AGBL4: variants seen among roughly 807,000 people sequenced by gnomAD.
AGBL4 encodes AGBL carboxypeptidase 4, also known as cytosolic carboxypeptidase 6.
Under a neutral mutation model 66.4 loss-of-function variants are expected in AGBL4, and 58 were observed. The observed-to-expected ratio is 0.87, with a 90% CI of 0.71 to 1.09. The LOEUF (loss-of-function observed/expected upper bound fraction) is 1.09, where lower values mean the gene tolerates loss of function less well. AGBL4 is among the 50% of genes least tolerant of loss of function. AGBL4 has a pLI of 0.00. For missense variants in AGBL4, 579 were observed against 631.0 expected (o/e 0.92, Z 0.88); for synonymous variants, 234 against 222.9 (o/e 1.05, Z -0.44).
chr1:48,939,199 C>T (rs938568875), intron 5 of AGBL4, among the ~76,000 whole-genome samples: 6 of 152,206 alleles, frequency 3.9e-5, no homozygotes, highest in Admixed American at 1.3e-4. Context: ...ATACTTAGCA[C>T]ACAGAACAAT....
chr1:49,744,735 T>A (rs919246934), intron 2 of AGBL4, among the ~76,000 whole-genome samples: 3 of 152,054 alleles, frequency 2.0e-5, no homozygotes, highest in Non-Finnish European at 2.9e-5. Context: ...AAATTTACAT[T>A]TATGAGCATA....
intron 6 of AGBL4, among the ~76,000 whole-genome samples, chr1:48,741,818 A>C (rs950127678): frequency 6.6e-6 from 1 of 152,250 alleles, no homozygotes; most frequent in Admixed American, 6.5e-5. Context: ...TGCATGCCAC[A>C]GTGGCAGAGA....
At chr1:49,514,730 CT>C (rs1204569771) in intron 3 of AGBL4, among the ~76,000 whole-genome samples, 1 of 152,034 alleles carries the variant, frequency 6.6e-6, no homozygotes, top group African/African-American at 2.4e-5. Context: ...AGAAATAATG[CT>C]GCATATCTAC....
chr1:48,811,423 G>T (rs1026292792), intron 6 of AGBL4, among the ~76,000 whole-genome samples: 8 of 152,130 alleles, frequency 5.3e-5, no homozygotes, highest in Admixed American at 1.3e-4. Context: ...TATGTTCCTG[G>T]ACAGCTTTGC....
chr1:48,906,118 T>C (rs1052769382), intron 5 of AGBL4, among the ~76,000 whole-genome samples: 1 of 152,144 alleles, frequency 6.6e-6, no homozygotes, highest in Non-Finnish European at 1.5e-5. Flanking sequence ...CTTAAAATTT[T>C]AGATAGGGAA....
At chr1:49,150,279 C>T (rs1159248121) in intron 4 of AGBL4, among the ~76,000 whole-genome samples, 1 of 152,134 alleles carries the variant, frequency 6.6e-6, no homozygotes, top group Non-Finnish European at 1.5e-5. Context: ...AGGGTCACTA[C>T]AAGTCGCACC....
chr1:49,765,224 A>C (rs543162634), intron 2 of AGBL4, among the ~76,000 whole-genome samples: 1 of 151,824 alleles, frequency 6.6e-6, no homozygotes, highest in Admixed American at 6.6e-5. Flanking sequence ...GTAAACAAAG[A>C]TCAGTACAAA....
chr1:49,827,074 C>T (rs1156922834), intron 2 of AGBL4, among the ~76,000 whole-genome samples: 1 of 152,102 alleles, frequency 6.6e-6, no homozygotes, highest in African/African-American at 2.4e-5. Context: ...AAAATGCATA[C>T]ATGAGAAGGA....
chr1:48,838,417 A>T (rs1453189662), intron 6 of AGBL4, among the ~76,000 whole-genome samples: 5 of 152,148 alleles, frequency 3.3e-5, no homozygotes, highest in Admixed American at 3.3e-4. Flanking sequence ...TGACAAAGGC[A>T]TCAAGAACAA....
At chr1:48,961,893 C>T (rs1185380658) in intron 5 of AGBL4, among the ~76,000 whole-genome samples, 2 of 152,176 alleles carry the variant, frequency 1.3e-5, no homozygotes, top group Non-Finnish European at 2.9e-5. Context: ...AGGTCCACAG[C>T]GGGGAAAGTA....
At chr1:48,530,324 C>T (rs545363129), downstream of AGBL4, among the ~76,000 whole-genome samples, 4 of 152,146 alleles carry the variant, frequency 2.6e-5, no homozygotes, top group South Asian at 6.2e-4. Context: ...TAGAACTACA[C>T]CTGACACACA....
intron 4 of AGBL4, among the ~76,000 whole-genome samples, chr1:49,062,030 C>A (rs1644411773): frequency 1.3e-5 from 2 of 152,150 alleles, no homozygotes; most frequent in African/African-American, 4.8e-5. Context: ...GCATTAGATT[C>A]TCATAGGAGT....
intron 4 of AGBL4, among the ~76,000 whole-genome samples, chr1:49,074,381 A>G (rs1571383572): frequency 6.6e-6 from 1 of 151,942 alleles, no homozygotes; most frequent in Non-Finnish European, 1.5e-5. Flanking sequence ...GCTTCGGCTC[A>G]CCCTCCATGG....
At chr1:49,614,910 A>G (rs1186462155) in intron 3 of AGBL4, among the ~76,000 whole-genome samples, 1 of 151,984 alleles carries the variant, frequency 6.6e-6, no homozygotes, top group Non-Finnish European at 1.5e-5. Context: ...TCATATTAGC[A>G]CTCCTAGTAA....
chr1:49,948,568 T>TAGAGAGAGAG (rs1205762791), intron 1 of AGBL4, among the ~76,000 whole-genome samples: 2 of 70,472 alleles, frequency 2.8e-5, no homozygotes, highest in African/African-American at 4.8e-5. Context: ...TATAAAAATA[T>TAGAGAGAGAG]ATATATATAT....
chr1:49,380,239 C>T (rs1644570144), intron 3 of AGBL4, among the ~76,000 whole-genome samples: 1 of 152,102 alleles, frequency 6.6e-6, no homozygotes, highest in African/African-American at 2.4e-5. Flanking sequence ...CATGAGTGAA[C>T]TCCCATTCAC....
chr1:49,948,289 T>C (rs1655638838), intron 1 of AGBL4, among the ~76,000 whole-genome samples: 1 of 108,340 alleles, frequency 9.2e-6, no homozygotes, highest in Non-Finnish European at 1.7e-5. Context: ...TATATATAAA[T>C]ATATAAAAAT....
intron 3 of AGBL4, among the ~76,000 whole-genome samples, chr1:49,592,389 G>A (rs1434029683): frequency 6.6e-6 from 1 of 152,166 alleles, no homozygotes; most frequent in African/African-American, 2.4e-5. Flanking sequence ...TTGCCAACAT[G>A]GCGAAATCCC....
intron 9 of AGBL4, among the ~76,000 whole-genome samples, chr1:48,596,523 A>T (rs910459164): frequency 6.6e-6 from 1 of 152,202 alleles, no homozygotes; most frequent in African/African-American, 2.4e-5. Context: ...TTTCAGAAAA[A>T]TTGAGGACTC....
Sources: gnomAD v4.1 joint callset for allele counts (sites outside exome capture counted in the v4.1 genomes callset) on GRCh38, gnomAD v4.1.1 for gene constraint, MANE v1.5 for transcripts, NCBI Gene and HGNC (gene_info 2026-07-23, HGNC 2026-07-21) for gene names.